PCSK5: variants seen among roughly 807,000 people sequenced by gnomAD.
PCSK5 encodes prohormone convertase 5.
A neutral mutation model predicts 233.2 loss-of-function variants in PCSK5; 129 were observed. The observed-to-expected ratio is 0.55, with a 90% CI of 0.48 to 0.64. PCSK5 has a LOEUF of 0.64. Among genes scored for constraint, PCSK5 ranks in the 30% least tolerant of loss-of-function variants. The pLI is 0.00. For synonymous variants in PCSK5, 825 were observed against 879.2 expected (o/e 0.94, Z 1.09); for missense variants, 2,076 against 2,430.1 (o/e 0.85, Z 3.06).
rs71372041 is a variant in PCSK5 at position 76,046,160 on chromosome 9, G to GTTTTT, written c.632+19154_632+19158dup. ...GCATTAACACATAATTTTTTCTTTT[G>GTTTTT]TTTTTTTTTTTTTTTTTTTTTTTTT... On this transcript the variant is annotated intron_variant, in intron 5 of 37. Transcript: ENST00000674117. Among the ~76,000 whole-genome samples the GTTTTT allele has an allele frequency of 5.8e-3, 334 of 58,030 alleles. 43 individuals are homozygous for GTTTTT. The highest frequency in any genetic ancestry group is 0.036 in the Middle Eastern group (2 of 56). 38.1% of individuals were successfully genotyped at this position (58,030 alleles called of 152,430 possible). A position where few individuals can be genotyped will look rare whatever the true frequency, so the allele number is the denominator to read the frequency against.
intron 24 of PCSK5, among the ~76,000 whole-genome samples, chr9:76,243,640 C>T (rs1826493057): frequency 6.6e-6 from 1 of 152,050 alleles, no homozygotes; most frequent in South Asian, 2.1e-4. Flanking sequence ...GCGAGAATAC[C>T]TTTTAGAGGT....
intron 5 of PCSK5, among the ~76,000 whole-genome samples, chr9:76,040,325 G>GTCTCTCTCTCTC (rs757550088): frequency 2.3e-4 from 18 of 79,040 alleles, no homozygotes; most frequent in Middle Eastern, 0.01. Context: ...TGTGTTCTCT[G>GTCTCTCTCTCTC]TCTCTCTCTC....
intron 10 of PCSK5, among the ~76,000 whole-genome samples, chr9:76,154,661 A>G (rs1233074467): frequency 1.3e-5 from 2 of 152,198 alleles, no homozygotes; most frequent in African/African-American, 4.8e-5. Context: ...TGACACTAGC[A>G]TGGGGTATAT....
intron 7 of PCSK5, among the ~76,000 whole-genome samples, chr9:76,075,572 A>G (rs973152200): frequency 1.3e-5 from 2 of 152,176 alleles, no homozygotes; most frequent in Admixed American, 6.5e-5. Context: ...TGATAGTATT[A>G]TCATTTGTAT....
At chr9:75,893,053 G>A (rs1035410133) in intron 1 of PCSK5, among the ~76,000 whole-genome samples, 4 of 152,118 alleles carry the variant, frequency 2.6e-5, no homozygotes, top group African/African-American at 9.7e-5. Context: ...TGAACTTAAA[G>A]TTGGGCACTG....
intron 7 of PCSK5, among the ~76,000 whole-genome samples, chr9:76,092,837 C>G (rs1231665732): frequency 1.3e-5 from 2 of 152,112 alleles, no homozygotes; most frequent in Admixed American, 1.3e-4. Context: ...CCCTTTTGGC[C>G]ATAACATTAA....
intron 24 of PCSK5, among the ~76,000 whole-genome samples, chr9:76,255,470 A>G (rs1420432506): frequency 6.6e-6 from 1 of 152,216 alleles, no homozygotes; most frequent in African/African-American, 2.4e-5. Context: ...TTGTTCAGCT[A>G]GGTGGACATT....
intron 20 of PCSK5, among the ~76,000 whole-genome samples, chr9:76,215,958 C>CA (rs11330112): frequency 4.0e-5 from 6 of 151,166 alleles, no homozygotes; most frequent in South Asian, 2.1e-4. Flanking sequence ...AAAATTAAAA[C>CA]AAAAAAAAAT....
At chr9:76,247,943 C>A (rs575425267) in intron 24 of PCSK5, among the ~76,000 whole-genome samples, 201 of 152,196 alleles carry the variant, frequency 1.3e-3, no homozygotes, top group African/African-American at 4.4e-3. Flanking sequence ...TGCCACCACA[C>A]CTGACTAATT....
chr9:76,133,096 C>T (rs1822827177), intron 9 of PCSK5, among the ~76,000 whole-genome samples: 1 of 152,006 alleles, frequency 6.6e-6, no homozygotes, highest in African/African-American at 2.4e-5. Flanking sequence ...GTAATTTTCT[C>T]CTCTTCCCTA....
chr9:75,994,660 G>T (rs547992535), intron 3 of PCSK5, among the ~76,000 whole-genome samples: 1 of 151,818 alleles, frequency 6.6e-6, no homozygotes, highest in East Asian at 1.9e-4. Context: ...CTGACCTTGC[G>T]ATCCACCCGC....
At chr9:76,018,014 A>AAAAAAAAC (rs1259578208) in intron 3 of PCSK5, among the ~76,000 whole-genome samples, 2 of 151,720 alleles carry the variant, frequency 1.3e-5, no homozygotes, top group African/African-American at 4.8e-5. Flanking sequence ...CTCCAAAAAA[A>AAAAAAAAC]AAAAATGTGT....
chr9:76,334,624 G>A (rs1291412073), intron 34 of PCSK5, among the ~76,000 whole-genome samples: 2 of 152,142 alleles, frequency 1.3e-5, no homozygotes, highest in African/African-American at 4.8e-5. Flanking sequence ...CCAGCTACTT[G>A]GGAGGCTGAG....
At chr9:75,892,344 C>T (rs1464717130) in intron 1 of PCSK5, among the ~76,000 whole-genome samples, 2 of 152,234 alleles carry the variant, frequency 1.3e-5, no homozygotes, top group African/African-American at 4.8e-5. Flanking sequence ...CCCCGACACC[C>T]CTGCGAGAAA....
At chr9:76,345,406 T>C (rs565911036) in intron 35 of PCSK5, among the ~76,000 whole-genome samples, 5 of 151,726 alleles carry the variant, frequency 3.3e-5, no homozygotes, top group African/African-American at 1.2e-4. Flanking sequence ...CTTATTTTCG[T>C]ATTCTTTGTT....
chr9:76,212,147 A>G (rs1825352886), intron 20 of PCSK5, among the ~76,000 whole-genome samples: 1 of 152,176 alleles, frequency 6.6e-6, no homozygotes, highest in Non-Finnish European at 1.5e-5. Flanking sequence ...CTCTTCCGCC[A>G]GACAGTTCTG....
At chr9:75,981,696 G>A (rs1013503549) in intron 2 of PCSK5, among the ~76,000 whole-genome samples, 2 of 151,982 alleles carry the variant, frequency 1.3e-5, no homozygotes, top group Admixed American at 1.3e-4. Context: ...GGGACTACAG[G>A]ATCATGTCCC....
At chr9:75,895,033 T>C (rs1414931238) in intron 1 of PCSK5, among the ~76,000 whole-genome samples, 1 of 152,222 alleles carries the variant, frequency 6.6e-6, no homozygotes, top group Non-Finnish European at 1.5e-5. Context: ...TTATAATCCT[T>C]GATTCCAGCC....
rs73464445 is a variant in PCSK5 at position 75,909,409 on chromosome 9, C to G, written c.192+18036C>G. Among the ~76,000 whole-genome samples, 854 of 147,892 alleles carry G rather than the reference C, an allele frequency of 5.8e-3. 7 individuals are homozygous for G. Among genetic ancestry groups the G allele is most frequent in the African/African-American group, 0.019 (763 of 40,246 alleles). ...AAGAGTTTTCTGTAGTTAAAATGCC[C>G]TCAGAGCTGGGTGCGGTAGCTCACG... On this transcript the variant is annotated intron_variant, in intron 1 of 37. Transcript: ENST00000674117.
Sources: allele counts gnomAD v4.1 joint callset (sites outside exome capture counted in the v4.1 genomes callset), GRCh38; gene constraint gnomAD v4.1.1; transcripts MANE v1.5; gene names NCBI Gene and HGNC (gene_info 2026-07-23, HGNC 2026-07-21).